The following RNF217 variants were observed in gnomAD, a reference collection of about 807,000 sequenced individuals.
RNF217 encodes E3 ubiquitin-protein ligase RNF217.
A neutral mutation model predicts 57.8 loss-of-function variants in RNF217; 31 were observed. That is an observed-to-expected ratio of 0.54 (90% CI 0.40 to 0.72). The LOEUF is 0.72. Ranked by LOEUF, RNF217 falls within the 30% of genes least tolerant of loss-of-function variation. RNF217 has a pLI of 0.00. For synonymous variants in RNF217, 313 were observed against 294.0 expected (o/e 1.06, Z -0.66); for missense variants, 696 against 708.3 (o/e 0.98, Z 0.20).
chr6:125,004,190 A>G (rs1582696755), intron 1 of RNF217, among the ~76,000 whole-genome samples: 1 of 152,196 alleles, frequency 6.6e-6, no homozygotes, highest in Admixed American at 6.5e-5. Flanking sequence ...CTTGCCAGTT[A>G]TATTTCCCCT....
At chr6:125,055,156 G>C (rs1787475656) in intron 2 of RNF217, among the ~76,000 whole-genome samples, 1 of 152,138 alleles carries the variant, frequency 6.6e-6, no homozygotes, top group South Asian at 2.1e-4. Flanking sequence ...TGTTGGAGTT[G>C]GCTATTAGTC....
chr6:125,068,978 A>C (rs1164722151), intron 3 of RNF217, among the ~76,000 whole-genome samples: 1 of 152,180 alleles, frequency 6.6e-6, no homozygotes, highest in Non-Finnish European at 1.5e-5. Context: ...GAAAACTGGC[A>C]TCTGAAGATT....
chr6:125,009,976 C>G (rs1386870952), intron 1 of RNF217, among the ~76,000 whole-genome samples: 9 of 137,424 alleles, frequency 6.5e-5, no homozygotes. Context: ...TTGAAGACAG[C>G]TTAGCATTCT....
intron 1 of RNF217, among the ~76,000 whole-genome samples, chr6:124,995,248 T>C (rs1784706933): frequency 6.6e-6 from 1 of 152,176 alleles, no homozygotes; most frequent in Admixed American, 6.5e-5. Flanking sequence ...TGGTTATAGT[T>C]TTAAAAACAA....
At chr6:124,997,211 G>A (rs1784788075) in intron 1 of RNF217, among the ~76,000 whole-genome samples, 1 of 152,178 alleles carries the variant, frequency 6.6e-6, no homozygotes, top group African/African-American at 2.4e-5. Context: ...TGATTGAAAG[G>A]ATTTTTCTAT....
chr6:125,044,783 A>G (rs1787031290), intron 1 of RNF217, among the ~76,000 whole-genome samples: 1 of 152,108 alleles, frequency 6.6e-6, no homozygotes, highest in Admixed American at 6.6e-5. Context: ...GTGCTGAAGT[A>G]TTCTGCAGTG....
At chr6:125,071,735 A>G (rs1389108728) in intron 3 of RNF217, among the ~76,000 whole-genome samples, 1 of 152,214 alleles carries the variant, frequency 6.6e-6, no homozygotes, top group Non-Finnish European at 1.5e-5. Context: ...TAAATATTCA[A>G]TTCCTTAAAT....
intron 1 of RNF217, among the ~76,000 whole-genome samples, chr6:125,043,641 A>G (rs1340379934): frequency 1.3e-5 from 2 of 152,090 alleles, no homozygotes; most frequent in Non-Finnish European, 2.9e-5. Context: ...TCTACACAAA[A>G]ATCTCCTGAG....
At chr6:125,079,104 A>G (rs1406697583) in intron 4 of RNF217, among the ~76,000 whole-genome samples, 1 of 152,114 alleles carries the variant, frequency 6.6e-6, no homozygotes, top group Non-Finnish European at 1.5e-5. Context: ...AGGGTGGGAA[A>G]CATGGTCTTC....
intron 1 of RNF217, among the ~76,000 whole-genome samples, chr6:124,974,579 G>A (rs1391443191): frequency 6.6e-6 from 1 of 152,160 alleles, no homozygotes; most frequent in African/African-American, 2.4e-5. Context: ...ATTCTGTATA[G>A]CATAATTTCC....
chr6:124,976,038 C>T (rs1783944148), intron 1 of RNF217, among the ~76,000 whole-genome samples: 1 of 151,990 alleles, frequency 6.6e-6, no homozygotes, highest in South Asian at 2.1e-4. Context: ...CATGTGTCTT[C>T]AAGTGTTGGT....
At chr6:124,971,745 C>T (rs916660078) in intron 1 of RNF217, 2 of 154,046 alleles carry the variant, frequency 1.3e-5, no homozygotes, top group Non-Finnish European at 2.9e-5. Flanking sequence ...TGAGCCACGG[C>T]ACCCGGCCGA....
At chr6:124,968,342 T>C (rs1054428513) in intron 1 of RNF217, among the ~76,000 whole-genome samples, 2 of 152,178 alleles carry the variant, frequency 1.3e-5, no homozygotes, top group African/African-American at 2.4e-5. Context: ...TATGTGTGTG[T>C]GTGTGTGCGT....
chr6:125,017,607 A>C (rs1274873629), intron 1 of RNF217, among the ~76,000 whole-genome samples: 1 of 152,194 alleles, frequency 6.6e-6, no homozygotes, highest in African/African-American at 2.4e-5. Flanking sequence ...TCTGCACTTG[A>C]TACTAGGATT....
intron 1 of RNF217, among the ~76,000 whole-genome samples, chr6:125,034,190 T>C (rs1786495969): frequency 6.6e-6 from 1 of 152,230 alleles, no homozygotes; most frequent in Non-Finnish European, 1.5e-5. Context: ...GCAGAAGCTC[T>C]TTAGTTTAAT....
rs374395307 is a variant in RNF217 at position 124,993,384 on chromosome 6, G to A, written c.882+29958G>A. ...ATATTAGATCTTCTCCTCCCCTCCC[G>A]TCCTTTCCACTAAAATTATTATCAT... On this transcript the variant is annotated intron_variant, in intron 1 of 5. Coordinates refer to ENST00000521654, the MANE Select transcript of RNF217 (RefSeq NM_001286398.3). Among the ~76,000 whole-genome samples the A allele has an allele frequency of 3.8e-4, 58 of 152,094 alleles. No homozygotes were observed. In the South Asian group the frequency reaches 6.2e-3, roughly 16 times the overall value.
At chr6:124,989,514 G>C (rs371152984) in intron 1 of RNF217, among the ~76,000 whole-genome samples, 1 of 152,122 alleles carries the variant, frequency 6.6e-6, no homozygotes, top group East Asian at 1.9e-4. Flanking sequence ...GAATCAATGA[G>C]AATGTCACCT....
intron 1 of RNF217, among the ~76,000 whole-genome samples, chr6:125,039,573 G>T (rs1263894317): frequency 1.3e-5 from 2 of 152,112 alleles, no homozygotes; most frequent in Non-Finnish European, 2.9e-5. Context: ...TTGAGGACTT[G>T]AACTCAGCTC....
At chr6:124,984,011 A>T (rs1267781323) in intron 1 of RNF217, among the ~76,000 whole-genome samples, 2 of 152,086 alleles carry the variant, frequency 1.3e-5, no homozygotes, top group Non-Finnish European at 2.9e-5. Flanking sequence ...TTGTAAGGAT[A>T]TTTATCCTGT....
Sources: allele counts gnomAD v4.1 joint callset (sites outside exome capture counted in the v4.1 genomes callset), GRCh38; gene constraint gnomAD v4.1.1; transcripts MANE v1.5; gene names NCBI Gene and HGNC (gene_info 2026-07-23, HGNC 2026-07-21).